ALKAL1: variants seen among roughly 807,000 people sequenced by gnomAD.
ALKAL1 encodes the protein ALK and LTK ligand 1.
Under a neutral mutation model 13.5 loss-of-function variants are expected in ALKAL1, and 23 were observed. That is an observed-to-expected ratio of 1.70 (90% confidence interval 1.23 to 2.41). ALKAL1 has a LOEUF of 2.41. Ranked by LOEUF, ALKAL1 falls within the 30% of genes most tolerant of loss-of-function variation. The pLI is 0.00. For synonymous variants in ALKAL1, 85 were observed against 77.7 expected, an observed-to-expected ratio of 1.09 and a Z score of -0.49; for missense variants, 181 against 178.4, an observed-to-expected ratio of 1.01 and a Z score of -0.08.
chr8:52,542,454 A>G lies in ALKAL1; in HGVS notation c.191-9T>C. On this transcript the variant is annotated splice_polypyrimidine_tract_variant and intron_variant, in intron 1 of 4. Transcript: ENST00000358543. ...GTCTCTTGGGAATATTTCTGAAAAG[A>G]AAAAAAAAACCATCAGAATTTATTG... is the stretch of plus-strand genomic sequence containing the variant. 1 of 1,380,376 alleles carries G rather than the reference A, an allele frequency of 7.2e-7. No homozygotes were observed. Among genetic ancestry groups the G allele is most frequent in the Non-Finnish European group, 1.0e-6 (1 of 1,004,936 alleles). 85.5% of individuals were successfully genotyped at this position (1,380,376 alleles called of 1,614,324 possible).
intron 1 of ALKAL1, among the ~76,000 whole-genome samples, chr8:52,556,646 CAA>C (rs59483863): frequency 0.026 from 1,329 of 50,944 alleles, 4 homozygotes; most frequent in African/African-American, 0.11. Context: ...AACTCTGTCT[CAA>C]AAAAAAAAAA....
intron 1 of ALKAL1, among the ~76,000 whole-genome samples, chr8:52,557,513 C>T (rs374958162): frequency 7.9e-5 from 12 of 152,126 alleles, no homozygotes; most frequent in African/African-American, 2.7e-4. Context: ...TTTCAATTTT[C>T]GGTGTTTTTG....
At position 52,564,741 on chromosome 8, in the gene ALKAL1, C is replaced by T. The variant is rs564456144; in HGVS notation, c.190+326G>A. 3.9e-5 allele frequency among the ~76,000 whole-genome samples: 6 copies of T among 152,286 alleles called. No homozygotes were observed. The South Asian group carries it at 1.2e-3, about 32-fold the overall frequency. ...AAATGGGGTGCTGACAGGGACCTAACCTGTCCACCACCCCTCGGTCGGTGG... is the reference window on the plus strand; with the variant it reads ...AAATGGGGTGCTGACAGGGACCTAATCTGTCCACCACCCCTCGGTCGGTGG... On this transcript the variant is annotated intron_variant, in intron 1 of 4. Transcript: ENST00000358543.
intron 1 of ALKAL1, among the ~76,000 whole-genome samples, chr8:52,555,057 G>C (rs1307519903): frequency 6.6e-6 from 1 of 151,992 alleles, no homozygotes; most frequent in African/African-American, 2.4e-5. Flanking sequence ...TGTAGTCCCA[G>C]CTACTCAGGA....
At chr8:52,561,699 G>A (rs1021622550) in intron 1 of ALKAL1, among the ~76,000 whole-genome samples, 20 of 152,252 alleles carry the variant, frequency 1.3e-4, no homozygotes, top group African/African-American at 4.3e-4. Flanking sequence ...TACTTATTAA[G>A]CACGTTGATT....
intron 1 of ALKAL1, among the ~76,000 whole-genome samples, chr8:52,563,694 G>A (rs1847572401): frequency 6.6e-6 from 1 of 152,164 alleles, no homozygotes; most frequent in Admixed American, 6.5e-5. Flanking sequence ...CTGCATGGCC[G>A]TGCTGCGGAC....
chr8:52,542,515 G>A, intron 1 of ALKAL1, 70 bp from the exon 2 acceptor site: 1 of 944,230 alleles, frequency 1.1e-6, no homozygotes, highest in Non-Finnish European at 1.6e-6. Flanking sequence ...TCCTTAATAT[G>A]CTAATTACTT....
chr8:52,549,935 C>T (rs548196547), intron 1 of ALKAL1, among the ~76,000 whole-genome samples: 1 of 152,012 alleles, frequency 6.6e-6, no homozygotes, highest in African/African-American at 2.4e-5. Context: ...GAGTGAGACT[C>T]CATCTCAAAA....
chr8:52,538,508 C>T lies in ALKAL1; in HGVS notation c.326-1G>A. The T allele has an allele frequency of 1.3e-6, 2 of 1,597,214 alleles. No homozygotes were observed. On this transcript the variant is annotated splice_acceptor_variant, in intron 3 of 4. Coordinates refer to ENST00000358543, the MANE Select transcript of ALKAL1 (RefSeq NM_207413.4). LOFTEE classifies it high-confidence loss of function. ...AACAATCTAGCACATCTTTTGTAATCTAGGAAAAACATTTAAAGGTAAATT... is the reference window on the plus strand; with the variant it reads ...AACAATCTAGCACATCTTTTGTAATTTAGGAAAAACATTTAAAGGTAAATT...
At chr8:52,545,435 T>C (rs919276152) in intron 1 of ALKAL1, among the ~76,000 whole-genome samples, 4 of 152,142 alleles carry the variant, frequency 2.6e-5, no homozygotes, top group Non-Finnish European at 4.4e-5. Context: ...GGAAGGCTGA[T>C]CAAAGACTCA....
At chr8:52,559,312 AAC>A (rs1400196616) in intron 1 of ALKAL1, among the ~76,000 whole-genome samples, 6 of 152,184 alleles carry the variant, frequency 3.9e-5, no homozygotes, top group Non-Finnish European at 5.9e-5. Context: ...TATCTTTCAA[AAC>A]ACACTGGAAC....
In ALKAL1 at chr8:52,538,580, C is replaced by T. The variant is rs111987541; in HGVS notation, c.326-73G>A. The T allele has an allele frequency of 2.9e-5, 27 of 942,940 alleles. No homozygotes were observed. The African/African-American group carries it at 4.3e-4, about 15-fold the overall frequency. 58.4% of individuals were successfully genotyped at this position (942,940 alleles called of 1,614,324 possible). ...GTTGGGGAAATCCTGTTATTATTGTCACTAATTCATATAACAATAACTACA... is the reference window on the plus strand; with the variant it reads ...GTTGGGGAAATCCTGTTATTATTGTTACTAATTCATATAACAATAACTACA... On this transcript the variant is annotated intron_variant, in intron 3 of 4. Coordinates refer to ENST00000358543, the MANE Select transcript of ALKAL1 (RefSeq NM_207413.4).
intron 1 of ALKAL1, among the ~76,000 whole-genome samples, chr8:52,563,031 A>G (rs761095966): frequency 6.6e-6 from 1 of 152,174 alleles, no homozygotes; most frequent in Non-Finnish European, 1.5e-5. Flanking sequence ...AAAAAATTAG[A>G]CAACTACAGT....
Position 52,565,319 on chromosome 8 carries a change from T to C in ALKAL1, c.-63A>G, listed in dbSNP as rs1022362278. ...AGGATCCCGACGCAGGTCCGGAGGG[T>C]GCGCGGCCCAAGAGAAGGCCAGCGG... On this transcript the variant is annotated 5_prime_UTR_variant, in exon 1 of 5. Transcript: ENST00000358543. 5.7e-6 allele frequency: 7 copies of C among 1,230,672 alleles called. No individual in the cohort carries two copies. The highest frequency in any genetic ancestry group is 7.3e-6 in the Non-Finnish European group (7 of 965,494). The allele number at this position is 1,230,672 out of a possible 1,614,324, so 76.2% of individuals were successfully genotyped here.
At chr8:52,556,146 C>T (rs529936334) in intron 1 of ALKAL1, among the ~76,000 whole-genome samples, 11 of 152,142 alleles carry the variant, frequency 7.2e-5, no homozygotes, top group Non-Finnish European at 1.0e-4. Flanking sequence ...CTAGATGAGG[C>T]GATGAAATTC....
intron 1 of ALKAL1, among the ~76,000 whole-genome samples, chr8:52,555,833 T>A (rs1160693387): frequency 6.6e-6 from 1 of 152,188 alleles, no homozygotes; most frequent in African/African-American, 2.4e-5. Flanking sequence ...CCCTGGTGCT[T>A]CCCCTGTGGC....
chr8:52,548,685 C>T (rs1302981148), intron 1 of ALKAL1, among the ~76,000 whole-genome samples: 1 of 152,012 alleles, frequency 6.6e-6, no homozygotes, highest in Non-Finnish European at 1.5e-5. Flanking sequence ...TAAAAGATTA[C>T]ATTATTTGGG....
At position 52,565,267 on chromosome 8, in the gene ALKAL1, C is replaced by A. The variant is rs1463858000; in HGVS notation, c.-11G>T. 1 of 1,305,948 alleles carries A rather than the reference C, an allele frequency of 7.7e-7. No individual in the cohort carries two copies. Among genetic ancestry groups the A allele is most frequent in the Non-Finnish European group, 9.8e-7 (1 of 1,020,374 alleles). 80.9% of individuals were successfully genotyped at this position (1,305,948 alleles called of 1,614,324 possible). A position where few individuals can be genotyped will look rare whatever the true frequency, so the allele number is the denominator to read the frequency against. On this transcript the variant is annotated 5_prime_UTR_variant, in exon 1 of 5. Coordinates refer to ENST00000358543, the MANE Select transcript of ALKAL1 (RefSeq NM_207413.4). ...CTTAAGGGGCCGCATGTTCGCAAGC[C>A]GGGAGGAGAGAGCGGGAGACTCCGG... is the stretch of plus-strand genomic sequence containing the variant.
At chr8:52,540,074 G>A (rs1451647802) in intron 2 of ALKAL1, among the ~76,000 whole-genome samples, 163 bp from the exon 3 acceptor site, 2 of 152,146 alleles carry the variant, frequency 1.3e-5, no homozygotes, top group Non-Finnish European at 2.9e-5. Context: ...CTCTGTGGGA[G>A]GTAGAGTTGT....
Sources: gnomAD v4.1 joint callset for allele counts (sites outside exome capture counted in the v4.1 genomes callset) on GRCh38, gnomAD v4.1.1 for gene constraint, MANE v1.5 for transcripts, NCBI Gene and HGNC (gene_info 2026-07-23, HGNC 2026-07-21) for gene names.